Variants in ITPRID1 observed in about 807,000 individuals in gnomAD.
ITPRID1 encodes the protein protein ITPRID1.
Under a neutral mutation model 95.4 loss-of-function variants are expected in ITPRID1, and 96 were observed. The ratio of observed to expected loss-of-function variants is 1.01; its 90% CI spans 0.85 to 1.19. ITPRID1 has a LOEUF of 1.19. Among genes scored for constraint, ITPRID1 ranks in the 50% most tolerant of loss-of-function variants. ITPRID1 has a pLI of 0.00. For synonymous variants in ITPRID1, 510 were observed against 453.6 expected, an observed-to-expected ratio of 1.12 and a Z score of -1.58; for missense variants, 1,339 against 1,252.9, an observed-to-expected ratio of 1.07 and a Z score of -1.04.
At chr7:31,644,530 A>G (rs1483243704) in intron 12 of ITPRID1, among the ~76,000 whole-genome samples, 1 of 152,182 alleles carries the variant, frequency 6.6e-6, no homozygotes, top group East Asian at 1.9e-4. Flanking sequence ...ACTGTTTTAC[A>G]TTGTTCAGGT....
chr7:31,527,748 G>T (rs1278883718), intron 1 of ITPRID1, among the ~76,000 whole-genome samples: 1 of 152,104 alleles, frequency 6.6e-6, no homozygotes, highest in African/African-American at 2.4e-5. Context: ...AACAACAGCA[G>T]CAGCAGCAAC....
chr7:31,643,405 T>G lies in ITPRID1; in HGVS notation c.2035T>G (p.Ser679Ala). Reference sequence around the variant, plus strand: ...GCCTGGAGATCCTGCCCAGGTGAAGTCAAGGTCTGGTACTTTGGGTCAGAT... The same window carrying G: ...GCCTGGAGATCCTGCCCAGGTGAAGGCAAGGTCTGGTACTTTGGGTCAGAT... Reference protein sequence around the residue: ...KLPGDPAQVKSRSGTLGQILP... With the variant: ...KLPGDPAQVKARSGTLGQILP... Residue 679 changes from serine to alanine, a missense_variant, in exon 12 of 15, where the codon TCA becomes GCA. Physicochemically the swap from Ser to Ala is moderately conservative, Grantham distance 99 (BLOSUM62 1). Transcript: ENST00000615280. The G allele has an allele frequency of 2.5e-6, 4 of 1,613,960 alleles. No homozygotes were observed. Among genetic ancestry groups the G allele is most frequent in the Non-Finnish European group, 3.4e-6 (4 of 1,179,876 alleles).
intron 10 of ITPRID1, among the ~76,000 whole-genome samples, chr7:31,595,066 ATTTC>A (rs1276886460): frequency 1.4e-5 from 2 of 146,382 alleles, no homozygotes; most frequent in Non-Finnish European, 3.0e-5. Flanking sequence ...TTCTTTTATA[ATTTC>A]TTTTTTTTTT....
At chr7:31,574,871 A>C in intron 8 of ITPRID1, 129 bp downstream of exon 8, 1 of 799,988 alleles carries the variant, frequency 1.3e-6, no homozygotes, top group Non-Finnish European at 2.0e-6. Flanking sequence ...CACACACAAA[A>C]GATGGATTTC....
intron 5 of ITPRID1, among the ~76,000 whole-genome samples, chr7:31,561,982 G>T (rs1429716202): frequency 6.8e-6 from 1 of 147,076 alleles, no homozygotes; most frequent in Non-Finnish European, 1.5e-5. Context: ...GGATGTTAAG[G>T]TCCCTCTTCC....
At chr7:31,657,888 T>G (rs1373463189), downstream of ITPRID1, among the ~76,000 whole-genome samples, 7 of 152,202 alleles carry the variant, frequency 4.6e-5, no homozygotes, top group Admixed American at 6.5e-5. Context: ...TCACACTAAG[T>G]GATTATTTTC....
At chr7:31,639,639 C>A (rs1789838900) in intron 10 of ITPRID1, among the ~76,000 whole-genome samples, 1 of 150,806 alleles carries the variant, frequency 6.6e-6, no homozygotes, top group Non-Finnish European at 1.5e-5. Flanking sequence ...CGGGTTCATG[C>A]CATTCTCCTG....
At chr7:31,529,838 A>G in intron 1 of ITPRID1, 1 of 1,532,524 alleles carries the variant, frequency 6.5e-7, no homozygotes, top group South Asian at 1.2e-5. Context: ...AGTAACTCTT[A>G]TAATTTGTTT....
In ITPRID1 at chr7:31,555,017, C is replaced by A; in HGVS notation, c.256+116C>A. 4 of 755,746 alleles carry A rather than the reference C, an allele frequency of 5.3e-6. No homozygotes were observed. The South Asian group carries it at 6.8e-5, about 13-fold the overall frequency. The allele number at this position is 755,746 out of a possible 1,614,324, so 46.8% of individuals were successfully genotyped here. ...ATCAGAGGCTTCTAGAAATGATCAG[C>A]CCTCAAAAACTATCCAGCTCAATCT... On this transcript the variant is annotated intron_variant, in intron 5 of 14. Transcript: ENST00000615280.
Position 31,542,464 on chromosome 7 carries a change from A to G in ITPRID1, c.-97-6962A>G, listed in dbSNP as rs186312822. Reference sequence around the variant, plus strand: ...ACCCCTTTCTTTAAACAACCAATTAATTTACTTTAGGACAAGAATTTGCCA... The same window carrying G: ...ACCCCTTTCTTTAAACAACCAATTAGTTTACTTTAGGACAAGAATTTGCCA... On this transcript the variant is annotated intron_variant, in intron 1 of 14. Transcript: ENST00000615280. Among the ~76,000 whole-genome samples, 252 of 152,224 alleles carry G rather than the reference A, an allele frequency of 1.7e-3. 4 individuals are homozygous for G. Among genetic ancestry groups the G allele is most frequent in the African/African-American group, 5.9e-3 (247 of 41,562 alleles).
intron 5 of ITPRID1, among the ~76,000 whole-genome samples, chr7:31,556,435 G>C (rs1784448407): frequency 6.6e-6 from 1 of 152,142 alleles, no homozygotes; most frequent in Non-Finnish European, 1.5e-5. Flanking sequence ...TGAGGAATCT[G>C]GGGCACAGAG....
At chr7:31,617,853 T>G (rs1787413568) in intron 10 of ITPRID1, among the ~76,000 whole-genome samples, 1 of 152,174 alleles carries the variant, frequency 6.6e-6, no homozygotes, top group South Asian at 2.1e-4. Flanking sequence ...ATTTGACCTA[T>G]TAAGAAGAGA....
intron 10 of ITPRID1, among the ~76,000 whole-genome samples, chr7:31,635,607 C>T (rs897048598): frequency 2.0e-5 from 3 of 152,136 alleles, no homozygotes; most frequent in Non-Finnish European, 1.5e-5. Flanking sequence ...ACTCTTTCTA[C>T]CTTTTAGGGA....
rs1491022188 is a variant in ITPRID1 at position 31,599,619 on chromosome 7, TTC to T, written c.1228+16430_1228+16431del. Among the ~76,000 whole-genome samples the T allele has an allele frequency of 5.2e-3, 340 of 65,114 alleles. 17 individuals are homozygous for T. Among genetic ancestry groups the T allele is most frequent in the African/African-American group, 0.013 (288 of 22,912 alleles). 42.7% of individuals were successfully genotyped at this position (65,114 alleles called of 152,430 possible). A position where few individuals can be genotyped will look rare whatever the true frequency, so the allele number is the denominator to read the frequency against. ...TTTCTTTCTTTCTTTCTTTCTTTCT[TTC>T]TTTCTTTCTTTCTTTCTTTCTTTCT... On this transcript the variant is annotated intron_variant, in intron 10 of 14. Transcript: ENST00000615280.
At chr7:31,567,037 T>C (rs539818771) in intron 5 of ITPRID1, among the ~76,000 whole-genome samples, 2 of 152,192 alleles carry the variant, frequency 1.3e-5, no homozygotes, top group Non-Finnish European at 2.9e-5. Flanking sequence ...ATTCCTATGA[T>C]AAAACCTAGT....
rs780287334 is a variant in ITPRID1 at position 31,574,679 on chromosome 7, A to G, written c.535A>G (p.Asn179Asp). ...TTGTGGCTCAGCAGCCAGAGGAATC[A>G]ACATCCGTGTTTTTCTTGAAGCTCA... Reference protein sequence around the residue: ...LGCGSAARGINIRVFLEAQKQ... With the variant: ...LGCGSAARGIDIRVFLEAQKQ... The change falls in exon 8 of 15, where the codon AAC becomes GAC. Residue 179 changes from asparagine to aspartate, a missense_variant. Physicochemically the swap from Asn to Asp is conservative, Grantham distance 23. Coordinates refer to ENST00000615280, the MANE Select transcript of ITPRID1 (RefSeq NM_001257967.3). 4 of 1,613,928 alleles carry G rather than the reference A, an allele frequency of 2.5e-6. No homozygotes were observed. The highest frequency in any genetic ancestry group is 3.4e-6 in the Non-Finnish European group (4 of 1,179,850).
At chr7:31,658,443 C>T (rs1020714538), downstream of ITPRID1, 164 of 1,399,858 alleles carry the variant, frequency 1.2e-4, no homozygotes, top group African/African-American at 1.9e-3. Context: ...TAACACATGT[C>T]GAACAAAATA....
In ITPRID1 at chr7:31,616,427, A is replaced by AC. The variant is rs1554293135; in HGVS notation, c.1229-25749_1229-25748insC. On this transcript the variant is annotated intron_variant, in intron 10 of 14. Coordinates refer to ENST00000615280, the MANE Select transcript of ITPRID1 (RefSeq NM_001257967.3). ...ATCCCTACCACCTGTCTTAGGTTGG[A>AC]TTCCCAGAAATGGACCTCAGGGAGA... Among the ~76,000 whole-genome samples, 7 of 152,108 alleles carry AC rather than the reference A, an allele frequency of 4.6e-5. No individual in the cohort carries two copies. The South Asian group carries it at 1.5e-3, about 32-fold the overall frequency.
rs1194149064 is a variant in ITPRID1, at chr7:31,642,976, A to G, written c.1606A>G (p.Lys536Glu). The G allele has an allele frequency of 6.2e-7, 1 of 1,614,028 alleles. No homozygotes were observed. Among genetic ancestry groups the G allele is most frequent in the East Asian group, 2.2e-5 (1 of 44,882 alleles). Reference protein sequence around the residue: ...KTTTRGECPRKDSHLWQLLPM... With the variant: ...KTTTRGECPREDSHLWQLLPM... Reference sequence around the variant, plus strand: ...CACCACGAGGGGAGAATGCCCAAGGAAAGACAGCCATCTGTGGCAGCTTCT... The same window carrying G: ...CACCACGAGGGGAGAATGCCCAAGGGAAGACAGCCATCTGTGGCAGCTTCT... The change falls in exon 12 of 15, where the codon AAA (lysine) becomes GAA (glutamate). Residue 536 changes from lysine to glutamate, a missense_variant. Physicochemically the swap from Lys to Glu is moderately conservative, Grantham distance 56. Coordinates refer to ENST00000615280, the MANE Select transcript of ITPRID1 (RefSeq NM_001257967.3).
Sources: gnomAD v4.1 joint callset for allele counts (sites outside exome capture counted in the v4.1 genomes callset) on GRCh38, gnomAD v4.1.1 for gene constraint, MANE v1.5 for transcripts, NCBI Gene and HGNC (gene_info 2026-07-23, HGNC 2026-07-21) for gene names.